Variants in ADH1A observed in about 807,000 individuals in gnomAD.
ADH1A encodes the protein alcohol dehydrogenase 1A.
In ADH1A, 29 loss-of-function variants were observed where a neutral mutation model predicts 35.2. The observed-to-expected ratio is 0.82, with a 90% CI of 0.61 to 1.12. The LOEUF (loss-of-function observed/expected upper bound fraction) is 1.12. ADH1A is among the 50% of genes most tolerant of loss of function. The pLI, the probability that ADH1A is intolerant of heterozygous loss-of-function variation, is 0.00. For synonymous variants in ADH1A, 147 were observed against 164.8 expected, an observed-to-expected ratio of 0.89 and a Z score of 0.83; for missense variants, 469 against 464.7, an observed-to-expected ratio of 1.01 and a Z score of -0.09.
In ADH1A at chr4:99,290,970, C is replaced by T; in HGVS notation, c.-56G>A. 1 of 1,601,324 alleles carries T rather than the reference C, an allele frequency of 6.2e-7. No individual in the cohort carries two copies. The highest frequency in any genetic ancestry group is 1.1e-5 in the South Asian group (1 of 90,708). ...ACTGGTGAGTCCTTGTGGATTTCTT[C>T]CCTGCTCAAGTGCATAAAGCAGGTG... is the stretch of plus-strand genomic sequence containing the variant. On this transcript the variant is annotated 5_prime_UTR_variant, in exon 1 of 9. Transcript: ENST00000209668.
chr4:99,286,677 G>T, intron 3 of ADH1A, 173 bp downstream of exon 3: 2 of 1,097,226 alleles, frequency 1.8e-6, no homozygotes, highest in Non-Finnish European at 1.3e-6. Flanking sequence ...CGTGCCTAAA[G>T]ACATACATGC....
chr4:99,287,603 CACCTCCTCAATGGAAAAGGGTTTCTTTA>C lies in ADH1A; in HGVS notation c.53_80del (p.Leu18TrpfsTer18), dbSNP rs749960903. On this transcript the variant is annotated frameshift_variant, in exon 2 of 9. Transcript: ENST00000209668. LOFTEE classifies it high-confidence loss of function. ...CATGGGCCTTAGGAGGTGCAACCTCCACCTCCTCAATGGAAAAGGGTTTCTTTAACTCCCATAGCACAGCTGCTTTGCA... is the reference window on the plus strand; with the variant it reads ...CATGGGCCTTAGGAGGTGCAACCTCCACTCCCATAGCACAGCTGCTTTGCA... The C allele has an allele frequency of 2.5e-6, 4 of 1,613,812 alleles. No homozygotes were observed. The highest frequency in any genetic ancestry group is 3.4e-6 in the Non-Finnish European group (4 of 1,179,908).
At chr4:99,278,300 T>C (rs966017172) in intron 8 of ADH1A, among the ~76,000 whole-genome samples, 6 of 152,108 alleles carry the variant, frequency 3.9e-5, no homozygotes, top group Admixed American at 3.3e-4. Context: ...GTGTTCCATA[T>C]ATCCATGCGC....
At chr4:99,283,957 T>C (rs1186243903) in intron 5 of ADH1A, among the ~76,000 whole-genome samples, 3 of 150,634 alleles carry the variant, frequency 2.0e-5, no homozygotes, top group African/African-American at 7.3e-5. Context: ...TGGACTCTAC[T>C]GTTGTTGATC....
At chr4:99,284,894 A>G in intron 3 of ADH1A, 91 bp from the exon 4 acceptor site, 1 of 1,135,812 alleles carries the variant, frequency 8.8e-7, no homozygotes, top group Non-Finnish European at 1.3e-6. Context: ...AAAACATTAG[A>G]AACATGTGTC....
intron 6 of ADH1A, 78 bp downstream of exon 6, chr4:99,282,268 G>T (rs1447003148): frequency 3.7e-6 from 6 of 1,613,148 alleles, no homozygotes; most frequent in South Asian, 3.3e-5. Context: ...CCTTTATACA[G>T]AAAACATATA....
intron 3 of ADH1A, among the ~76,000 whole-genome samples, chr4:99,286,222 T>C (rs1039129661): frequency 6.6e-6 from 1 of 152,164 alleles, no homozygotes; most frequent in Non-Finnish European, 1.5e-5. Flanking sequence ...CAGTTACATT[T>C]AAGCATGGCT....
intron 1 of ADH1A, chr4:99,288,740 T>C (rs1733218559): frequency 6.6e-6 from 1 of 152,190 alleles, no homozygotes; most frequent in Non-Finnish European, 1.5e-5. Context: ...GAGTTCCTGA[T>C]TATCAGGTGC....
chr4:99,290,568 C>G (rs1260889023), intron 1 of ADH1A, among the ~76,000 whole-genome samples: 2 of 152,110 alleles, frequency 1.3e-5, no homozygotes, highest in African/African-American at 4.8e-5. Flanking sequence ...AAGAAAACTT[C>G]TTGATGAAAG....
Position 99,284,475 on chromosome 4 carries a change from G to A in ADH1A, c.491C>T (p.Ala164Val), listed in dbSNP as rs1733092416. ...GAGACAGACTTTCTCTAGAGGCGAG[G>A]CTGCATCAATTTTGGCTACTGCATT... ...DENAVAKIDA[A>V]SPLEKVCLIG... Residue 164 changes from alanine to valine, a missense_variant, in exon 5 of 9, where the codon GCC becomes GTC. By Grantham distance (64) the Ala-to-Val change is moderately conservative. Transcript: ENST00000209668. The A allele has an allele frequency of 6.2e-7, 1 of 1,614,184 alleles. No homozygotes were observed. Among genetic ancestry groups the A allele is most frequent in the Non-Finnish European group, 8.5e-7 (1 of 1,180,026 alleles).
chr4:99,282,376 T>C lies in ADH1A; in HGVS notation c.798A>G (p.Ser266=), dbSNP rs377281291. The change falls in exon 6 of 9, where the codon TCA becomes TCG. Residue 266 remains serine, a synonymous_variant. Transcript: ENST00000209668. The part of the protein sequence containing the change: ...KEMTDGGVDF[S]FEVIGRLDTM... ...TGTCAAGCCGACCGATGACTTCAAA[T>C]GAAAAATCCACACCTCCATCAGTCA... 4.3e-5 allele frequency: 69 copies of C among 1,614,070 alleles called. No individual in the cohort carries two copies. Among genetic ancestry groups the C allele is most frequent in the South Asian group, 1.3e-4 (12 of 91,084 alleles).
chr4:99,290,858 T>A (rs1244387018), intron 1 of ADH1A, 39 bp downstream of exon 1: 2 of 1,585,978 alleles, frequency 1.3e-6, no homozygotes, highest in South Asian at 2.2e-5. Flanking sequence ...GTTATATTGA[T>A]GAGAATATAG....
rs771499770 is a variant in ADH1A, at chr4:99,280,215, T to C, written c.893A>G (p.Asp298Gly). Reference sequence around the variant, plus strand: ...AGGGTTCATTGAGAGGTTTTGGGAATCAGGAGGTACCCCTACGATGACACT... The same window carrying C: ...AGGGTTCATTGAGAGGTTTTGGGAACCAGGAGGTACCCCTACGATGACACT... ...GTSVIVGVPP[D>G]SQNLSMNPML... Residue 298 changes from aspartate (D) to glycine (G), a missense_variant, in exon 7 of 9, where the codon GAT (aspartate) becomes GGT (glycine). Coordinates refer to ENST00000209668, the MANE Select transcript of ADH1A (RefSeq NM_000667.4). The C allele has an allele frequency of 1.2e-6, 2 of 1,613,674 alleles. No homozygotes were observed. The highest frequency in any genetic ancestry group is 1.7e-6 in the Non-Finnish European group (2 of 1,179,860).
At chr4:99,285,810 C>G (rs939477810) in intron 3 of ADH1A, among the ~76,000 whole-genome samples, 5 of 151,778 alleles carry the variant, frequency 3.3e-5, no homozygotes, top group African/African-American at 1.2e-4. Flanking sequence ...ATCACGAGGT[C>G]AGGAGATCGA....
chr4:99,280,406 C>T (rs1373535173), intron 6 of ADH1A, 127 bp from the exon 7 acceptor site: 8 of 1,481,128 alleles, frequency 5.4e-6, no homozygotes, highest in Non-Finnish European at 6.4e-6. Flanking sequence ...ATGTCTTTTG[C>T]TCCTTCAGTC....
At chr4:99,280,850 T>C (rs576280414) in intron 6 of ADH1A, among the ~76,000 whole-genome samples, 3 of 152,298 alleles carry the variant, frequency 2.0e-5, no homozygotes, top group African/African-American at 7.2e-5. Flanking sequence ...GGTTTTACAT[T>C]AAAATACCCT....
At chr4:99,287,131 T>C in intron 2 of ADH1A, 143 bp from the exon 3 acceptor site, 1 of 1,073,448 alleles carries the variant, frequency 9.3e-7, no homozygotes. Context: ...AAAGATTCAG[T>C]TTATCCTCAA....
At chr4:99,277,617 A>T (rs1257340797) in intron 8 of ADH1A, among the ~76,000 whole-genome samples, 1 of 152,118 alleles carries the variant, frequency 6.6e-6, no homozygotes, top group Non-Finnish European at 1.5e-5. Flanking sequence ...ACTTCTTACT[A>T]GGCATATGTA....
chr4:99,289,827 T>C (rs890983052), intron 1 of ADH1A, among the ~76,000 whole-genome samples: 2 of 152,184 alleles, frequency 1.3e-5, no homozygotes, highest in African/African-American at 4.8e-5. Flanking sequence ...TAAATTTAAT[T>C]TTTTTGCTAA....
Sources: allele counts gnomAD v4.1 joint callset (sites outside exome capture counted in the v4.1 genomes callset), GRCh38; gene constraint gnomAD v4.1.1; transcripts MANE v1.5; gene names NCBI Gene and HGNC (gene_info 2026-07-23, HGNC 2026-07-21).